Variants in ITPRID1 observed in about 807,000 individuals in gnomAD.
The protein encoded by ITPRID1 is ITPR interacting domain containing 1, also known as protein ITPRID1.
Under a neutral mutation model 95.4 loss-of-function variants are expected in ITPRID1, and 96 were observed. The observed-to-expected ratio is 1.01, with a 90% CI of 0.85 to 1.19. The LOEUF is 1.19. Among genes scored for constraint, ITPRID1 ranks in the 50% most tolerant of loss-of-function variants. ITPRID1 has a pLI of 0.00. For missense variants in ITPRID1, 1,339 were observed against 1,252.9 expected (o/e 1.07, Z -1.04); for synonymous variants, 510 against 453.6 (o/e 1.12, Z -1.58).
chr7:31,531,375 TTC>T (rs1783591313), intron 1 of ITPRID1, among the ~76,000 whole-genome samples: 1 of 152,218 alleles, frequency 6.6e-6, no homozygotes, highest in Non-Finnish European at 1.5e-5. Context: ...ATAAGAATAA[TTC>T]ATGAACATGA....
At position 31,642,859 on chromosome 7, in the gene ITPRID1, GC is replaced by G; in HGVS notation, c.1491del (p.Ser498GlnfsTer4). The G allele has an allele frequency of 6.2e-7, 1 of 1,614,038 alleles. No homozygotes were observed. The highest frequency in any genetic ancestry group is 8.5e-7 in the Non-Finnish European group (1 of 1,179,904). On this transcript the variant is annotated frameshift_variant, in exon 12 of 15. Coordinates refer to ENST00000615280, the MANE Select transcript of ITPRID1 (RefSeq NM_001257967.3). LOFTEE classifies it high-confidence loss of function. ...SQEANALEQR[A>X]SVSVMEEEFL... ...AGAAGCGAATGCCTTGGAACAAAGG[GC>G]CTCAGTATCTGTGATGGAGGAAGAG...
chr7:31,637,340 T>G (rs903145111), intron 10 of ITPRID1, among the ~76,000 whole-genome samples: 1 of 151,644 alleles, frequency 6.6e-6, no homozygotes, highest in Non-Finnish European at 1.5e-5. Flanking sequence ...TGAACTAGTT[T>G]ACAGTCCCAC....
chr7:31,585,574 C>T (rs952941268), intron 10 of ITPRID1, among the ~76,000 whole-genome samples: 4 of 151,982 alleles, frequency 2.6e-5, no homozygotes, highest in East Asian at 1.9e-4. Flanking sequence ...ACATTGTGGG[C>T]GAAGTTGCAG....
chr7:31,526,576 G>A (rs549894676), intron 1 of ITPRID1, among the ~76,000 whole-genome samples: 2 of 152,204 alleles, frequency 1.3e-5, no homozygotes, highest in South Asian at 4.1e-4. Flanking sequence ...GGTGGCTATC[G>A]TTATAATCAT....
intron 1 of ITPRID1, among the ~76,000 whole-genome samples, chr7:31,533,855 C>T (rs1783676864): frequency 6.6e-6 from 1 of 152,024 alleles, no homozygotes; most frequent in African/African-American, 2.4e-5. Flanking sequence ...TAATATGTGT[C>T]TTATGGCCCA....
intron 12 of ITPRID1, 54 bp downstream of exon 12, chr7:31,644,007 C>A: frequency 6.8e-7 from 1 of 1,468,170 alleles, no homozygotes; most frequent in Non-Finnish European, 9.1e-7. Context: ...TGATAAACAC[C>A]TCAGGGATAA....
chr7:31,544,547 A>T (rs1277218314), intron 1 of ITPRID1, among the ~76,000 whole-genome samples: 1 of 152,074 alleles, frequency 6.6e-6, no homozygotes, highest in African/African-American at 2.4e-5. Context: ...TCTTCCAAGA[A>T]GCTTTTTTTA....
Position 31,551,581 on chromosome 7 carries a change from A to G in ITPRID1, c.-23-1421A>G, listed in dbSNP as rs532421792. ...TTTTAACATAAAATTGACAGCCATC[A>G]TAATTATTGATTTTTGTAGTAATTT... On this transcript the variant is annotated intron_variant, in intron 2 of 14. Transcript: ENST00000615280. 1.3e-4 allele frequency among the ~76,000 whole-genome samples: 18 copies of G among 143,912 alleles called. 3 individuals carry two copies. Among genetic ancestry groups the G allele is most frequent in the Middle Eastern group, 7.4e-3 (2 of 272 alleles). 94.4% of individuals were successfully genotyped at this position (143,912 alleles called of 152,430 possible).
chr7:31,531,887 A>T (rs982642652), intron 1 of ITPRID1, among the ~76,000 whole-genome samples: 10 of 152,022 alleles, frequency 6.6e-5, no homozygotes, highest in African/African-American at 2.4e-4. Context: ...TGGGTCAGGG[A>T]GATGAGGAAC....
chr7:31,641,231 C>G (rs377264371), intron 10 of ITPRID1, among the ~76,000 whole-genome samples: 7 of 152,298 alleles, frequency 4.6e-5, no homozygotes, highest in African/African-American at 1.7e-4. Flanking sequence ...AGCAGTTGTT[C>G]AAGCAAAGGC....
Position 31,595,070 on chromosome 7 carries a change from CTTTTT to C in ITPRID1, c.1228+11894_1228+11898del, listed in dbSNP as rs958852739. Among the ~76,000 whole-genome samples, 6 of 127,442 alleles carry C rather than the reference CTTTTT, an allele frequency of 4.7e-5. No individual in the cohort carries two copies. In the South Asian group the frequency reaches 1.5e-3, roughly 33 times the overall value. 83.6% of individuals were successfully genotyped at this position (127,442 alleles called of 152,430 possible). ...AAATGCAAAGATTCTTTTATAATTT[CTTTTT>C]TTTTTTTTTTTTTTGAGACAGAGTC... On this transcript the variant is annotated intron_variant, in intron 10 of 14. Coordinates refer to ENST00000615280, the MANE Select transcript of ITPRID1 (RefSeq NM_001257967.3).
At chr7:31,646,214 G>A (rs1416564201) in intron 12 of ITPRID1, among the ~76,000 whole-genome samples, 1 of 152,152 alleles carries the variant, frequency 6.6e-6, no homozygotes, top group Non-Finnish European at 1.5e-5. Context: ...TTCTAGACCT[G>A]TTTAATCCAT....
chr7:31,521,193 A>G (rs1322472882), intron 1 of ITPRID1, among the ~76,000 whole-genome samples: 1 of 151,858 alleles, frequency 6.6e-6, no homozygotes, highest in Non-Finnish European at 1.5e-5. Flanking sequence ...CTTCTTTTCT[A>G]AAATATGCAT....
intron 10 of ITPRID1, among the ~76,000 whole-genome samples, chr7:31,611,605 A>G (rs1180229183): frequency 1.3e-5 from 2 of 151,910 alleles, no homozygotes; most frequent in Non-Finnish European, 2.9e-5. Flanking sequence ...TCTATATTCT[A>G]TATTCTATAT....
chr7:31,585,796 C>T (rs532124797), intron 10 of ITPRID1, among the ~76,000 whole-genome samples: 2 of 152,094 alleles, frequency 1.3e-5, no homozygotes, highest in South Asian at 4.2e-4. Flanking sequence ...GAATAAATGT[C>T]CACTAAAAAA....
chr7:31,514,760 A>G (rs1367319864), intron 1 of ITPRID1, among the ~76,000 whole-genome samples: 1 of 152,196 alleles, frequency 6.6e-6, no homozygotes, highest in Non-Finnish European at 1.5e-5. Context: ...GTTAAATACT[A>G]ATGAAATTGA....
chr7:31,620,197 A>C (rs2128175531), intron 10 of ITPRID1, among the ~76,000 whole-genome samples: 1 of 152,262 alleles, frequency 6.6e-6, no homozygotes, highest in African/African-American at 2.4e-5. Context: ...ACAAACAAAA[A>C]GACAGCAGTA....
chr7:31,637,114 A>C (rs1583684327), intron 10 of ITPRID1, among the ~76,000 whole-genome samples: 1 of 151,560 alleles, frequency 6.6e-6, no homozygotes, highest in Admixed American at 6.6e-5. Flanking sequence ...TATGTGCCAC[A>C]TTTTCTTAAT....
intron 7 of ITPRID1, among the ~76,000 whole-genome samples, chr7:31,573,454 C>T (rs1361735397): frequency 6.6e-6 from 1 of 151,682 alleles, no homozygotes; most frequent in East Asian, 1.9e-4. Flanking sequence ...GGTAAGTGGG[C>T]GTCCCCAGTG....
Sources: allele counts gnomAD v4.1 joint callset (sites outside exome capture counted in the v4.1 genomes callset), GRCh38; gene constraint gnomAD v4.1.1; transcripts MANE v1.5; gene names NCBI Gene and HGNC (gene_info 2026-07-23, HGNC 2026-07-21).